PIK3CB: variants seen among roughly 807,000 people sequenced by gnomAD.
PIK3CB encodes phosphatidylinositol-4,5-bisphosphate 3-kinase catalytic subunit beta, also known as phosphatidylinositol 4,5-bisphosphate 3-kinase catalytic subunit beta isoform.
Under a neutral mutation model 136.8 loss-of-function variants are expected in PIK3CB, and 39 were observed. The ratio of observed to expected loss-of-function variants is 0.29; its 90% CI spans 0.22 to 0.37. The LOEUF is 0.37. PIK3CB is among the 10% of genes least tolerant of loss of function. PIK3CB has a pLI of 1.00. For missense variants in PIK3CB, 868 were observed against 1,275.4 expected (o/e 0.68, Z 4.87); for synonymous variants, 428 against 436.6 (o/e 0.98, Z 0.25).
intron 19 of PIK3CB, among the ~76,000 whole-genome samples, chr3:138,675,614 C>T (rs2043627676): frequency 6.6e-6 from 1 of 152,096 alleles, no homozygotes; most frequent in East Asian, 1.9e-4. Context: ...CAGCTGATTT[C>T]TCATGAGAAA....
intron 19 of PIK3CB, among the ~76,000 whole-genome samples, chr3:138,675,651 G>A (rs1267500410): frequency 3.3e-5 from 5 of 152,132 alleles, no homozygotes; most frequent in African/African-American, 9.7e-5. Context: ...AAAGTGGGAT[G>A]ACATATTAGA....
Position 138,734,807 on chromosome 3 carries a change from A to G in PIK3CB, c.802-3T>C, listed in dbSNP as rs372019294. The G allele has an allele frequency of 5.6e-4, 889 of 1,584,474 alleles. 3 individuals are homozygous for G. The highest frequency in any genetic ancestry group is 6.9e-4 in the Non-Finnish European group (807 of 1,164,756). ...TTCATCACACAGTTCCGGATATACTATAGGGGCAAGAAAGGGGAAGGTATT... is the reference window on the plus strand; with the variant it reads ...TTCATCACACAGTTCCGGATATACTGTAGGGGCAAGAAAGGGGAAGGTATT... On this transcript the variant is annotated splice_polypyrimidine_tract_variant and splice_region_variant and intron_variant, in intron 6 of 23. Transcript: ENST00000674063.
At chr3:138,700,209 G>C (rs1237587340) in intron 12 of PIK3CB, among the ~76,000 whole-genome samples, 1 of 151,650 alleles carries the variant, frequency 6.6e-6, no homozygotes, top group Non-Finnish European at 1.5e-5. Context: ...GCAACAAAGC[G>C]AGACACTGTC....
rs147422405 is a variant in PIK3CB at position 138,831,276 on chromosome 3, A to T, written c.-122+3419T>A. On this transcript the variant is annotated intron_variant, in intron 1 of 23. Transcript: ENST00000674063. ...CCGTCTCAAATAAATAAAATAAAATAAAATAAAATTAAATTAAATTAAAAT... is the reference window on the plus strand; with the variant it reads ...CCGTCTCAAATAAATAAAATAAAATTAAATAAAATTAAATTAAATTAAAAT... Among the ~76,000 whole-genome samples, 94 of 135,762 alleles carry T rather than the reference A, an allele frequency of 6.9e-4. 1 individual carries two copies. Among genetic ancestry groups the T allele is most frequent in the African/African-American group, 2.4e-3 (66 of 27,750 alleles). The allele number at this position is 135,762 out of a possible 152,430, so 89.1% of individuals were successfully genotyped here.
intron 8 of PIK3CB, among the ~76,000 whole-genome samples, chr3:138,720,425 A>G (rs901808051): frequency 2.0e-5 from 3 of 151,830 alleles, no homozygotes; most frequent in African/African-American, 7.3e-5. Flanking sequence ...GTCTGCCTTC[A>G]CTCTCACCAA....
chr3:138,778,790 CT>C, intron 2 of PIK3CB: 1 of 254,120 alleles, frequency 3.9e-6, no homozygotes, highest in Non-Finnish European at 7.9e-6. Flanking sequence ...GGTGGTAGAC[CT>C]TATGGTGCAC....
chr3:138,679,666 C>CG (rs2043722838), intron 19 of PIK3CB, among the ~76,000 whole-genome samples: 1 of 151,578 alleles, frequency 6.6e-6, no homozygotes, highest in African/African-American at 2.4e-5. Flanking sequence ...TCACTGCAGC[C>CG]TTGACCTCCT....
chr3:138,700,692 AAGATAGATAGATAGAT>A (rs56054471), intron 12 of PIK3CB, among the ~76,000 whole-genome samples: 2,670 of 143,990 alleles, frequency 0.019, 31 homozygotes, highest in Middle Eastern at 0.038. Flanking sequence ...TGACTCTAAA[AAGATAGATAGATAGAT>A]AGATAGATAG....
At chr3:138,699,980 C>T (rs547082848) in intron 12 of PIK3CB, among the ~76,000 whole-genome samples, 2 of 152,194 alleles carry the variant, frequency 1.3e-5, no homozygotes, top group South Asian at 4.2e-4. Context: ...GGCAGGAAGA[C>T]TGCTTGAGCC....
In PIK3CB at chr3:138,768,840, C is replaced by T. The variant is rs527640420; in HGVS notation, c.-16-9481G>A. Among the ~76,000 whole-genome samples the T allele has an allele frequency of 3.3e-3, 507 of 152,328 alleles. 6 individuals carry two copies. The highest frequency in any genetic ancestry group is 0.01 in the African/African-American group (430 of 41,564). On this transcript the variant is annotated intron_variant, in intron 2 of 23. Coordinates refer to ENST00000674063, the MANE Select transcript of PIK3CB (RefSeq NM_006219.3). ...CTTGGCCCTGACTCTGCTCCAAGGT[C>T]AGACTGGGTGCCGACAATAGGGAAA...
At position 138,700,526 on chromosome 3, in the gene PIK3CB, C is replaced by T. The variant is rs532724243; in HGVS notation, c.1582-1431G>A. On this transcript the variant is annotated intron_variant, in intron 12 of 23. Coordinates refer to ENST00000674063, the MANE Select transcript of PIK3CB (RefSeq NM_006219.3). Reference sequence around the variant, plus strand: ...TAAGATAAATGACAGTAACTAATTACAAATCATCGAATAAATGGAAATCAC... The same window carrying T: ...TAAGATAAATGACAGTAACTAATTATAAATCATCGAATAAATGGAAATCAC... Among the ~76,000 whole-genome samples the T allele has an allele frequency of 2.6e-4, 39 of 151,804 alleles. 1 individual carries two copies. In the South Asian group the frequency reaches 4.2e-3, roughly 16 times the overall value.
chr3:138,796,239 G>T lies in PIK3CB; in HGVS notation c.-17+224C>A, dbSNP rs534976675. On this transcript the variant is annotated intron_variant, in intron 2 of 23. Coordinates refer to ENST00000674063, the MANE Select transcript of PIK3CB (RefSeq NM_006219.3). ...CTCTACTAAAAATACAAAAATATTA[G>T]CCGGGCATTGTGGCATGTGCCTGTA... Among the ~76,000 whole-genome samples the T allele has an allele frequency of 2.6e-3, 397 of 152,012 alleles. 4 individuals are homozygous for T. Among genetic ancestry groups the T allele is most frequent in the African/African-American group, 9.3e-3 (387 of 41,488 alleles).
At chr3:138,742,078 ATTTCTACCG>A (rs1233411620) in intron 5 of PIK3CB, among the ~76,000 whole-genome samples, 1 of 152,194 alleles carries the variant, frequency 6.6e-6, no homozygotes, top group East Asian at 1.9e-4. Context: ...TTAGGCTTTC[ATTTCTACCG>A]ATGGGGGAGA....
chr3:138,747,054 TTATATA>T (rs59299476), intron 4 of PIK3CB, among the ~76,000 whole-genome samples: 73 of 42,198 alleles, frequency 1.7e-3, no homozygotes, highest in Non-Finnish European at 2.3e-3. Context: ...TATTCAGCCT[TTATATA>T]TATATATATA....
At chr3:138,827,067 CAATA>C (rs10651373) in intron 1 of PIK3CB, among the ~76,000 whole-genome samples, 15 of 151,220 alleles carry the variant, frequency 9.9e-5, no homozygotes, top group African/African-American at 1.5e-4. Context: ...AAAACTCGGT[CAATA>C]AATAAATAAA....
chr3:138,771,342 C>T (rs892321968), intron 2 of PIK3CB, among the ~76,000 whole-genome samples: 3 of 151,754 alleles, frequency 2.0e-5, no homozygotes, highest in Admixed American at 6.6e-5. Flanking sequence ...CCTGCCTCAG[C>T]CTCCTGTGTA....
At chr3:138,722,480 T>G (rs1421119886) in intron 8 of PIK3CB, among the ~76,000 whole-genome samples, 2 of 152,038 alleles carry the variant, frequency 1.3e-5, no homozygotes, top group African/African-American at 2.4e-5. Flanking sequence ...ATTATGAATT[T>G]TACAAATGAT....
chr3:138,671,624 G>A (rs1473915943), intron 19 of PIK3CB, among the ~76,000 whole-genome samples: 1 of 152,228 alleles, frequency 6.6e-6, no homozygotes, highest in Non-Finnish European at 1.5e-5. Flanking sequence ...TTAGGCCCAT[G>A]AGGTAGGATC....
chr3:138,672,022 T>A (rs564981696), intron 19 of PIK3CB, among the ~76,000 whole-genome samples: 1 of 151,960 alleles, frequency 6.6e-6, no homozygotes, highest in Non-Finnish European at 1.5e-5. Context: ...TAACGCTTGG[T>A]ACTGTGGTGT....
Sources: gnomAD v4.1 joint callset for allele counts (sites outside exome capture counted in the v4.1 genomes callset) on GRCh38, gnomAD v4.1.1 for gene constraint, MANE v1.5 for transcripts, NCBI Gene and HGNC (gene_info 2026-07-23, HGNC 2026-07-21) for gene names.